CCNK: variants seen among roughly 807,000 people sequenced by gnomAD.
CCNK encodes the protein cyclin-K.
CCNK carries 9 observed loss-of-function variants against 65.0 expected under a neutral mutation model. That is an observed-to-expected ratio of 0.14 (90% CI 0.08 to 0.24). The LOEUF is 0.24. Ranked by LOEUF, CCNK falls within the 10% of genes least tolerant of loss-of-function variation. The pLI is 1.00. For missense variants in CCNK, 474 were observed against 720.0 expected (o/e 0.66, Z 3.91); for synonymous variants, 279 against 270.8 (o/e 1.03, Z -0.30).
chr14:99,492,532 G>T (rs1896616708), intron 1 of CCNK, 94 bp from the exon 2 acceptor site: 1 of 684,144 alleles, frequency 1.5e-6, no homozygotes, highest in Non-Finnish European at 2.4e-6. Flanking sequence ...GTTTCTATAG[G>T]AAATAGTGAT....
At chr14:99,491,113 C>T (rs1460708482) in intron 1 of CCNK, among the ~76,000 whole-genome samples, 1 of 152,092 alleles carries the variant, frequency 6.6e-6, no homozygotes, top group Non-Finnish European at 1.5e-5. Context: ...ATATTTTACT[C>T]AGCCAGTCCC....
intron 1 of CCNK, chr14:99,492,014 G>A (rs1367172903): frequency 1.3e-5 from 2 of 152,244 alleles, no homozygotes; most frequent in Non-Finnish European, 2.9e-5. Flanking sequence ...AGCAAGAACA[G>A]TTTAAAGGAG....
intron 8 of CCNK, chr14:99,503,198 C>A (rs868561000): frequency 7.1e-6 from 5 of 701,516 alleles, no homozygotes; most frequent in Middle Eastern, 7.3e-4. Context: ...GCTCTCTGCC[C>A]GGCTCCAGCC....
Position 99,509,958 on chromosome 14 carries a change from G to A in CCNK, c.1118-199G>A, listed in dbSNP as rs183125932. 4.9e-6 allele frequency: 3 copies of A among 614,156 alleles called. No individual in the cohort carries two copies. In the African/African-American group the frequency reaches 5.5e-5, roughly 11 times the overall value. The allele number at this position is 614,156 out of a possible 1,614,324, so 38.0% of individuals were successfully genotyped here. A position where few individuals can be genotyped will look rare whatever the true frequency, so the allele number is the denominator to read the frequency against. On this transcript the variant is annotated intron_variant, in intron 10 of 10. Coordinates refer to ENST00000389879, the MANE Select transcript of CCNK (RefSeq NM_001099402.2). ...AAAACCCCAGGTCGTCGCAGACAGG[G>A]TGGAGGGCCTTCTTGACAGATGGTG...
chr14:99,493,811 A>G (rs1896644327), intron 3 of CCNK, among the ~76,000 whole-genome samples: 1 of 152,234 alleles, frequency 6.6e-6, no homozygotes, highest in Non-Finnish European at 1.5e-5. Context: ...GACCATAGTC[A>G]TATTGCGCTT....
At chr14:99,500,538 A>T (rs1201719943) in intron 4 of CCNK, 1 of 453,930 alleles carries the variant, frequency 2.2e-6, no homozygotes, top group Non-Finnish European at 3.9e-6. Flanking sequence ...TGTTTTCAGT[A>T]TTTTTTTTTA....
chr14:99,501,378 G>C lies in CCNK; in HGVS notation c.540G>C (p.Lys180Asn). 1 of 1,606,706 alleles carries C rather than the reference G, an allele frequency of 6.2e-7. No individual in the cohort carries two copies. The change falls in exon 6 of 11, where the codon AAG becomes AAC. Residue 180 changes from lysine (K) to asparagine (N), a missense_variant. Lys to Asn is a moderately conservative substitution (Grantham distance 94). Around this residue, in one of 6 missense-constraint regions of CCNK, gnomAD observed 67 missense variants for 150.2 expected, o/e 0.45. Transcript: ENST00000389879. ...QLKGDKNKIQ[K>N]LVQMAWTFVN... ...TAGGTGATAAAAACAAAATTCAAAA[G>C]TTGGTTCAAATGGCATGGACATTTG...
Position 99,493,116 on chromosome 14 carries a change from G to A in CCNK, c.197+242G>A, listed in dbSNP as rs919786592. On this transcript the variant is annotated intron_variant, in intron 2 of 10. Transcript: ENST00000389879. ...ATATGAGGCACCCATTAGGATCACA[G>A]TTGAGGCTGGGCACAGTGGCTCATG... is the stretch of plus-strand genomic sequence containing the variant. 17 of 499,270 alleles carry A rather than the reference G, an allele frequency of 3.4e-5. No homozygotes were observed. In the Admixed American group the frequency reaches 6.2e-4, roughly 18 times the overall value. 30.9% of individuals were successfully genotyped at this position (499,270 alleles called of 1,614,324 possible). A position where few individuals can be genotyped will look rare whatever the true frequency, so the allele number is the denominator to read the frequency against.
In CCNK at chr14:99,510,717, C is replaced by T; in HGVS notation, c.1678C>T (p.Pro560Ser). 7.0e-7 allele frequency: 1 copy of T among 1,422,104 alleles called. No homozygotes were observed. Among genetic ancestry groups the T allele is most frequent in the Non-Finnish European group, 9.2e-7 (1 of 1,087,066 alleles). The allele number at this position is 1,422,104 out of a possible 1,614,324, so 88.1% of individuals were successfully genotyped here. The change falls in exon 11 of 11, where the codon CCG becomes TCG. Residue 560 changes from proline to serine, a missense_variant. Around this residue, in one of 6 missense-constraint regions of CCNK, gnomAD observed 53 missense variants for 91.4 expected, o/e 0.58. Transcript: ENST00000389879. ...CCCTGGAGGACAGCCTCCTGTGCCC[C>T]CGCCCATTCCCCCACCCGGCATGCC... ...VPPGGQPPVP[P>S]PIPPPGMPPV...
intron 8 of CCNK, 133 bp from the exon 9 acceptor site, chr14:99,503,478 G>A (rs1896892433): frequency 1.4e-6 from 1 of 706,496 alleles, no homozygotes; most frequent in East Asian, 2.7e-5. Flanking sequence ...GAAAGTTCAG[G>A]CTAGAAATAA....
Position 99,511,525 on chromosome 14 carries a change from T to C in CCNK, c.*743T>C, listed in dbSNP as rs1292443180. Reference sequence around the variant, plus strand: ...AGCAGTTCTGAAACTATCCCTTTCTTTGTTATGGGTGGAAGGTGGGGCTCC... The same window carrying C: ...AGCAGTTCTGAAACTATCCCTTTCTCTGTTATGGGTGGAAGGTGGGGCTCC... On this transcript the variant is annotated 3_prime_UTR_variant, in exon 11 of 11. Transcript: ENST00000389879. 6.6e-6 allele frequency: 1 copy of C among 152,586 alleles called. No individual in the cohort carries two copies. Among genetic ancestry groups the C allele is most frequent in the Non-Finnish European group, 1.5e-5 (1 of 68,038 alleles). The allele number at this position is 152,586 out of a possible 1,614,324, so 9.5% of individuals were successfully genotyped here.
chr14:99,483,223 A>T (rs1566744850), intron 1 of CCNK, among the ~76,000 whole-genome samples: 1 of 152,144 alleles, frequency 6.6e-6, no homozygotes, highest in African/African-American at 2.4e-5. Flanking sequence ...AGGAGAGCTG[A>T]TTCCCTGAAG....
intron 9 of CCNK, chr14:99,504,184 A>G (rs1896914126): frequency 1.7e-5 from 4 of 235,702 alleles, no homozygotes; most frequent in Non-Finnish European, 3.6e-5. Context: ...GCAAAATTGG[A>G]ACAATTACAA....
intron 9 of CCNK, chr14:99,506,841 G>A (rs1896987827): frequency 2.0e-6 from 1 of 495,938 alleles, no homozygotes. Context: ...GGTAGACATG[G>A]AAAATGGGCT....
chr14:99,481,432 G>A lies in CCNK; in HGVS notation c.-100G>A. ...CCGACATTCCATATACAAGATGGCC[G>A]CAGTCGGCAAGGAGAGACGTCGCTG... On this transcript the variant is annotated 5_prime_UTR_variant, in exon 1 of 11. Transcript: ENST00000389879. The A allele has an allele frequency of 2.5e-6, 1 of 398,712 alleles. No homozygotes were observed. The allele number at this position is 398,712 out of a possible 1,614,324, so 24.7% of individuals were successfully genotyped here.
chr14:99,491,917 T>C (rs1386874170), intron 1 of CCNK: 1 of 152,034 alleles, frequency 6.6e-6, no homozygotes, highest in Non-Finnish European at 1.5e-5. Flanking sequence ...TTCGTTGTTG[T>C]TGTTTTTTTC....
rs1255980552 is a variant in CCNK at position 99,511,942 on chromosome 14, G to A, written c.*1160G>A. 6.6e-6 allele frequency: 1 copy of A among 152,264 alleles called. No individual in the cohort carries two copies. The highest frequency in any genetic ancestry group is 2.4e-5 in the African/African-American group (1 of 41,446). The allele number at this position is 152,264 out of a possible 1,614,324, so 9.4% of individuals were successfully genotyped here. A position where few individuals can be genotyped will look rare whatever the true frequency, so the allele number is the denominator to read the frequency against. On this transcript the variant is annotated 3_prime_UTR_variant, in exon 11 of 11. Coordinates refer to ENST00000389879, the MANE Select transcript of CCNK (RefSeq NM_001099402.2). ...TGTCTGTGGAAGGGGCCCCGACTGA[G>A]CCCCCATCTGCGGTGCTTGAGGGGC...
In CCNK at chr14:99,507,130, C is replaced by T. The variant is rs1896995534; in HGVS notation, c.1100C>T (p.Pro367Leu). ...GAGACCACTCATCCACCGTTGCCTC[C>T]AGCCCACCCACCTCCAGGTAAGCAT... ...KIETTHPPLP[P>L]AHPPPDRKPP... Residue 367 changes from proline (P) to leucine (L), a missense_variant, in exon 10 of 11, where the codon CCA becomes CTA. Coordinates refer to ENST00000389879, the MANE Select transcript of CCNK (RefSeq NM_001099402.2). 4 of 1,607,412 alleles carry T rather than the reference C, an allele frequency of 2.5e-6. No individual in the cohort carries two copies. The highest frequency in any genetic ancestry group is 3.3e-4 in the Middle Eastern group (2 of 6,074).
At chr14:99,504,114 T>C (rs1463751722) in intron 9 of CCNK, 2 of 361,912 alleles carry the variant, frequency 5.5e-6, no homozygotes. Flanking sequence ...TGAGGTGCTG[T>C]CACATGTCTA....
Sources: allele counts gnomAD v4.1 joint callset (sites outside exome capture counted in the v4.1 genomes callset), GRCh38; gene constraint gnomAD v4.1.1; regional missense constraint gnomAD v4.1.1; transcripts MANE v1.5; gene names NCBI Gene and HGNC (gene_info 2026-07-23, HGNC 2026-07-21).